The following BDNF variants were observed in gnomAD, a reference collection of about 807,000 sequenced individuals.
BDNF encodes neurotrophic factor BDNF precursor form.
BDNF carries 1 observed loss-of-function variant against 19.5 expected under a neutral mutation model. That is an observed-to-expected ratio of 0.05 (90% CI 0.02 to 0.24). BDNF has a LOEUF of 0.24. Among genes scored for constraint, BDNF ranks in the 10% least tolerant of loss-of-function variants. BDNF has a pLI of 1.00. For missense variants in BDNF, 195 were observed against 317.6 expected (o/e 0.61, Z 2.93); for synonymous variants, 100 against 121.6 (o/e 0.82, Z 1.17).
chr11:27,720,865 G>A (rs1167924013), intron 1 of BDNF: 1 of 738,518 alleles, frequency 1.4e-6, no homozygotes, highest in Non-Finnish European at 1.7e-6. Flanking sequence ...TTGATCACAT[G>A]TTGATGAGAA....
At chr11:27,672,922 GTTGT>G (rs1464098118) in intron 1 of BDNF, among the ~76,000 whole-genome samples, 3 of 152,078 alleles carry the variant, frequency 2.0e-5, no homozygotes, top group Non-Finnish European at 4.4e-5. Context: ...GACTGCAAAG[GTTGT>G]TTGTTTCCAA....
At position 27,716,456 on chromosome 11, in the gene BDNF, G is replaced by GACACAGACAC. The variant is rs1554950151; in HGVS notation, c.3+4955_3+4956insGTGTCTGTGT. Among the ~76,000 whole-genome samples the GACACAGACAC allele has an allele frequency of 1.2e-4, 17 of 146,930 alleles. No individual in the cohort carries two copies. The East Asian group carries it at 3.4e-3, about 30-fold the overall frequency. On this transcript the variant is annotated intron_variant, in intron 1 of 1. Coordinates refer to the BDNF transcript ENST00000314915. ...ACACGCCCATACACACACACACACA[G>GACACAGACAC]ACACACACACACACACACACACACA...
intron 1 of BDNF, among the ~76,000 whole-genome samples, chr11:27,678,236 C>T (rs750677986): frequency 7.9e-5 from 12 of 152,156 alleles, no homozygotes; most frequent in Non-Finnish European, 1.5e-4. Flanking sequence ...GGATTGTCAA[C>T]ATATGGGAAA....
chr11:27,700,879 C>A, upstream of BDNF: 2 of 1,288,336 alleles, frequency 1.6e-6, no homozygotes, highest in Non-Finnish European at 2.0e-6. Context: ...CCCGAGGTCT[C>A]GCTCCCCTAG....
chr11:27,663,150 A>AT (rs1034081926), intron 1 of BDNF, among the ~76,000 whole-genome samples: 23 of 152,236 alleles, frequency 1.5e-4, no homozygotes, highest in African/African-American at 5.5e-4. Context: ...ATAATAAAAG[A>AT]TTAAGTAAGA....
At chr11:27,697,162 CACAGAGAGAG>C (rs1186636552) in intron 1 of BDNF, among the ~76,000 whole-genome samples, 18 of 125,134 alleles carry the variant, frequency 1.4e-4, no homozygotes, top group South Asian at 3.1e-4. Context: ...CACACACACA[CACAGAGAGAG>C]AGAGAGAGAG....
chr11:27,700,640 C>T, upstream of BDNF: 1 of 996,870 alleles, frequency 1.0e-6, no homozygotes, highest in Non-Finnish European at 1.2e-6. Flanking sequence ...CCGAGGGGCG[C>T]CCGGAACTCC....
chr11:27,673,315 A>G (rs1855650706), intron 1 of BDNF, among the ~76,000 whole-genome samples: 1 of 152,112 alleles, frequency 6.6e-6, no homozygotes, highest in South Asian at 2.1e-4. Context: ...AACATGCAAT[A>G]ATTCTCAGAT....
chr11:27,674,028 C>T (rs1047831784), intron 1 of BDNF: 4 of 1,514,136 alleles, frequency 2.6e-6, no homozygotes, highest in African/African-American at 2.8e-5. Flanking sequence ...ATAAAATTAG[C>T]AAGAGAAGGC....
At chr11:27,674,513 A>G (rs1403265934) in intron 1 of BDNF, 1 of 985,170 alleles carries the variant, frequency 1.0e-6, no homozygotes, top group African/African-American at 1.7e-5. Flanking sequence ...ATAATGAGCC[A>G]TGTGGACCCT....
intron 1 of BDNF, chr11:27,659,178 CTAT>C: frequency 2.0e-6 from 2 of 1,000,208 alleles, no homozygotes; most frequent in Non-Finnish European, 2.4e-6. Flanking sequence ...CAGAGATACT[CTAT>C]TATAGCAAAG....
At chr11:27,701,390 G>T (rs1208329442), upstream of BDNF, 7 of 1,033,440 alleles carry the variant, frequency 6.8e-6, no homozygotes, top group Non-Finnish European at 8.2e-6. Flanking sequence ...ATTTTTTCAC[G>T]TTCCCTTCGC....
chr11:27,675,023 C>T (rs1855894231), intron 1 of BDNF: 1 of 571,314 alleles, frequency 1.8e-6, no homozygotes, highest in Admixed American at 6.4e-5. Context: ...GGTGGATTCC[C>T]TAAGATCACA....
chr11:27,658,403 T>A lies in BDNF; in HGVS notation c.162A>T (p.Arg54Ser). 6 of 1,614,186 alleles carry A rather than the reference T, an allele frequency of 3.7e-6. No individual in the cohort carries two copies. Among genetic ancestry groups the A allele is most frequent in the Non-Finnish European group, 5.1e-6 (6 of 1,180,020 alleles). Residue 54 changes from arginine (R) to serine (S), a missense_variant, in exon 2 of 2, where the codon AGA becomes AGT. Transcript: ENST00000356660. This position sits in a 1 kb window ranked among gnomAD's most constrained non-coding sequence, Gnocchi z 5.7. ...AAGTGTCAGCCAATGATGTCAAGCC[T>A]CTTGAACCTGCCTTGGGCCCATTCA... ...ESVNGPKAGS[R>S]GLTSLADTFE...
exon 1 of BDNF, chr11:27,721,418 G>A: frequency 6.2e-7 from 1 of 1,614,056 alleles, no homozygotes; most frequent in Non-Finnish European, 8.5e-7. Context: ...TCACCATTGT[G>A]CCTTTGCTGT....
At position 27,718,462 on chromosome 11, in the gene BDNF, G is replaced by C. The variant is rs1001600436; in HGVS notation, c.3+2950C>G. 2.1e-4 allele frequency among the ~76,000 whole-genome samples: 31 copies of C among 150,766 alleles called. 2 individuals are homozygous for C. The highest frequency in any genetic ancestry group is 5.9e-5 in the Non-Finnish European group (4 of 67,870). On this transcript the variant is annotated intron_variant, in intron 1 of 1. Transcript: ENST00000314915. ...CATCTGGGAAGGGTGGGTGGCGATGGTGATGCGGGCGCCTTGGAGTTCCTT... is the reference window on the plus strand; with the variant it reads ...CATCTGGGAAGGGTGGGTGGCGATGCTGATGCGGGCGCCTTGGAGTTCCTT...
Position 27,700,335 on chromosome 11 carries a change from C to G in BDNF, c.-193G>C. The G allele has an allele frequency of 1.0e-6, 1 of 985,186 alleles. No homozygotes were observed. The highest frequency in any genetic ancestry group is 1.1e-4 in the East Asian group (1 of 8,736). The allele number at this position is 985,186 out of a possible 1,614,324, so 61.0% of individuals were successfully genotyped here. A position where few individuals can be genotyped will look rare whatever the true frequency, so the allele number is the denominator to read the frequency against. On this transcript the variant is annotated 5_prime_UTR_variant, in exon 1 of 2. Coordinates refer to ENST00000356660, the MANE Select transcript of BDNF (RefSeq NM_001709.5). ...CCGAGCAGGAGGTGGAGGGGCGCAC[C>G]GGGCTGGCTCCTCTGTCCGGCCCGG...
At chr11:27,669,595 C>T (rs1363354086) in intron 1 of BDNF, among the ~76,000 whole-genome samples, 2 of 152,138 alleles carry the variant, frequency 1.3e-5, no homozygotes, top group Non-Finnish European at 2.9e-5. Context: ...AAATCACAAG[C>T]ATTCCTATAC....
chr11:27,654,978 A>G lies in BDNF; in HGVS notation c.*2843T>C, dbSNP rs1033053340. On this transcript the variant is annotated 3_prime_UTR_variant, in exon 2 of 2. Transcript: ENST00000356660. ...TATATGTTAATTAGTACACTTAAAT[A>G]GAACTTGTATTTACAATAGGCTTCT... 11 of 152,364 alleles carry G rather than the reference A, an allele frequency of 7.2e-5. No individual in the cohort carries two copies. The highest frequency in any genetic ancestry group is 2.7e-4 in the African/African-American group (11 of 41,454). 9.4% of individuals were successfully genotyped at this position (152,364 alleles called of 1,614,324 possible). A position where few individuals can be genotyped will look rare whatever the true frequency, so the allele number is the denominator to read the frequency against.
Sources: gnomAD v4.1 joint callset for allele counts (sites outside exome capture counted in the v4.1 genomes callset) on GRCh38, gnomAD v4.1.1 for gene constraint, Gnocchi (gnomAD v3.1) non-coding constraint, MANE v1.5 for transcripts, NCBI Gene and HGNC (gene_info 2026-07-23, HGNC 2026-07-21) for gene names.